RPS6KB1: variants seen among roughly 807,000 people sequenced by gnomAD.
RPS6KB1 encodes the protein ribosomal protein S6 kinase beta-1.
Under a neutral mutation model 70.2 loss-of-function variants are expected in RPS6KB1, and 12 were observed. The ratio of observed to expected loss-of-function variants is 0.17; its 90% CI spans 0.11 to 0.28. The LOEUF (loss-of-function observed/expected upper bound fraction) is 0.28, where lower values mean the gene tolerates loss of function less well. Ranked by LOEUF, RPS6KB1 falls within the 10% of genes least tolerant of loss-of-function variation. The pLI is 1.00. For synonymous variants in RPS6KB1, 175 were observed against 211.2 expected (o/e 0.83, Z 1.49); for missense variants, 270 against 646.6 (o/e 0.42, Z 6.32).
chr17:59,908,382 G>T (rs1450733273), intron 1 of RPS6KB1, among the ~76,000 whole-genome samples: 1 of 151,512 alleles, frequency 6.6e-6, no homozygotes, highest in East Asian at 2.0e-4. Context: ...TGTATTTTTA[G>T]TAGAGACGGG....
chr17:59,938,184 T>C (rs426270), intron 12 of RPS6KB1, among the ~76,000 whole-genome samples: 2 of 109,132 alleles, frequency 1.8e-5, no homozygotes, highest in African/African-American at 3.7e-5. Flanking sequence ...TTTTTTTTTT[T>C]GGGGGGGGGA....
At chr17:59,935,474 T>C (rs1057074935) in intron 10 of RPS6KB1, among the ~76,000 whole-genome samples, 174 bp downstream of exon 10, 3 of 152,192 alleles carry the variant, frequency 2.0e-5, no homozygotes, top group African/African-American at 7.2e-5. Context: ...CATATTCTTT[T>C]TTTAAATTTT....
At chr17:59,900,775 C>T (rs1008925634) in intron 1 of RPS6KB1, among the ~76,000 whole-genome samples, 3 of 152,086 alleles carry the variant, frequency 2.0e-5, no homozygotes, top group African/African-American at 7.2e-5. Context: ...AATTCTGCTG[C>T]CAAGTTTTTT....
rs1482468930 is a variant in RPS6KB1 at position 59,915,418 on chromosome 17, ACT to A, written c.381+718_381+719del. Among the ~76,000 whole-genome samples, 6 of 151,720 alleles carry A rather than the reference ACT, an allele frequency of 4.0e-5. No individual in the cohort carries two copies. The East Asian group carries it at 7.7e-4, about 20-fold the overall frequency. ...GCTCTTGCAATTCTTTGCTGAGGTA[ACT>A]CTTCACTGTTTCTGATCTCCTTATT... is the stretch of plus-strand genomic sequence containing the variant. On this transcript the variant is annotated intron_variant, in intron 4 of 14. Coordinates refer to ENST00000225577, the MANE Select transcript of RPS6KB1 (RefSeq NM_003161.4).
intron 1 of RPS6KB1, among the ~76,000 whole-genome samples, chr17:59,895,842 A>G (rs1223381299): frequency 6.6e-6 from 1 of 151,962 alleles, no homozygotes; most frequent in Non-Finnish European, 1.5e-5. Flanking sequence ...CATGTTGCCC[A>G]GGGTGGGCCT....
At chr17:59,896,168 T>C (rs981904468) in intron 1 of RPS6KB1, among the ~76,000 whole-genome samples, 3 of 152,120 alleles carry the variant, frequency 2.0e-5, no homozygotes, top group African/African-American at 7.2e-5. Context: ...ACTGATAGAA[T>C]TTCCAGACTG....
At chr17:59,896,752 G>A (rs928756260) in intron 1 of RPS6KB1, among the ~76,000 whole-genome samples, 2 of 152,080 alleles carry the variant, frequency 1.3e-5, no homozygotes, top group Admixed American at 1.3e-4. Context: ...TTGAGGAAGA[G>A]ACTTCTGTAA....
intron 1 of RPS6KB1, among the ~76,000 whole-genome samples, chr17:59,903,559 A>G (rs2042087711): frequency 6.6e-6 from 1 of 152,190 alleles, no homozygotes; most frequent in Non-Finnish European, 1.5e-5. Flanking sequence ...TCTTTTGAGT[A>G]GATACATTGG....
intron 12 of RPS6KB1, among the ~76,000 whole-genome samples, chr17:59,939,396 C>G (rs1479998276): frequency 6.6e-6 from 1 of 152,148 alleles, no homozygotes; most frequent in Non-Finnish European, 1.5e-5. Context: ...ATCCTCCCAC[C>G]TCACCCTCTT....
intron 13 of RPS6KB1, among the ~76,000 whole-genome samples, chr17:59,943,594 A>G (rs923217577): frequency 6.6e-6 from 1 of 152,076 alleles, no homozygotes; most frequent in African/African-American, 2.4e-5. Flanking sequence ...ATAAAAAAAA[A>G]TAGGTCAGGT....
chr17:59,908,612 A>C (rs1912736100), intron 1 of RPS6KB1, among the ~76,000 whole-genome samples: 1 of 139,040 alleles, frequency 7.2e-6, no homozygotes, highest in South Asian at 2.2e-4. Context: ...ATGTAAAAAA[A>C]ATTTTTTTTT....
intron 7 of RPS6KB1, among the ~76,000 whole-genome samples, 170 bp downstream of exon 7, chr17:59,931,892 AC>A (rs2043943592): frequency 1.3e-5 from 2 of 152,202 alleles, no homozygotes; most frequent in Admixed American, 1.3e-4. Context: ...TTAGGTAATT[AC>A]GCTTGGTGAG....
At chr17:59,919,851 T>G (rs563765726) in intron 4 of RPS6KB1, among the ~76,000 whole-genome samples, 1 of 152,292 alleles carries the variant, frequency 6.6e-6, no homozygotes, top group African/African-American at 2.4e-5. Context: ...CCTTCTAATT[T>G]TTCCTCTAAT....
chr17:59,946,908 C>T lies in RPS6KB1; in HGVS notation c.*120C>T. 1 of 1,513,250 alleles carries T rather than the reference C, an allele frequency of 6.6e-7. No individual in the cohort carries two copies. The highest frequency in any genetic ancestry group is 8.8e-7 in the Non-Finnish European group (1 of 1,133,342). The allele number at this position is 1,513,250 out of a possible 1,614,324, so 93.7% of individuals were successfully genotyped here. ...AGAGAGTCAATGTCATTACATAGAA[C>T]ACTTCAGACACAGGAAAAATAAACG... On this transcript the variant is annotated 3_prime_UTR_variant, in exon 15 of 15. Transcript: ENST00000225577. This position sits in a 1 kb window ranked among gnomAD's most constrained non-coding sequence, Gnocchi z 4.2.
intron 13 of RPS6KB1, among the ~76,000 whole-genome samples, chr17:59,941,864 T>C (rs1207138517): frequency 6.7e-6 from 1 of 149,236 alleles, no homozygotes; most frequent in South Asian, 2.1e-4. Flanking sequence ...GATTTCTTTT[T>C]TTTTTTTTTT....
At chr17:59,927,293 A>G (rs2043665409) in intron 5 of RPS6KB1, among the ~76,000 whole-genome samples, 1 of 151,870 alleles carries the variant, frequency 6.6e-6, no homozygotes, top group Non-Finnish European at 1.5e-5. Flanking sequence ...CATGTTGGTC[A>G]GGCTGGTCTC....
intron 5 of RPS6KB1, among the ~76,000 whole-genome samples, chr17:59,928,088 A>G (rs901632290): frequency 3.3e-5 from 5 of 151,660 alleles, no homozygotes; most frequent in African/African-American, 1.2e-4. Flanking sequence ...AACCTGGGAG[A>G]CGGAGGTTGT....
chr17:59,908,613 ATTTTTTTT>A (rs546677930), intron 1 of RPS6KB1, among the ~76,000 whole-genome samples: 6,492 of 106,230 alleles, frequency 0.061, 488 homozygotes, highest in African/African-American at 0.22. Context: ...TGTAAAAAAA[ATTTTTTTT>A]TTTTTTTTTT....
intron 5 of RPS6KB1, among the ~76,000 whole-genome samples, chr17:59,928,161 C>T (rs1375415323): frequency 5.4e-5 from 2 of 37,322 alleles, no homozygotes; most frequent in Non-Finnish European, 9.5e-5. Context: ...CAGTCTCACA[C>T]ACACACACAC....
Sources: gnomAD v4.1 joint callset for allele counts (sites outside exome capture counted in the v4.1 genomes callset) on GRCh38, gnomAD v4.1.1 for gene constraint, Gnocchi (gnomAD v3.1) non-coding constraint, MANE v1.5 for transcripts, NCBI Gene and HGNC (gene_info 2026-07-23, HGNC 2026-07-21) for gene names.